Variants in ABI3BP observed in about 807,000 individuals in gnomAD.
ABI3BP encodes target of Nesh-SH3.
In ABI3BP, 216 loss-of-function variants were observed where a neutral mutation model predicts 268.6. The ratio of observed to expected loss-of-function variants is 0.80; its 90% CI spans 0.72 to 0.90. The LOEUF (loss-of-function observed/expected upper bound fraction) is 0.90, where lower values mean the gene tolerates loss of function less well. Among genes scored for constraint, ABI3BP ranks in the 40% least tolerant of loss-of-function variants. ABI3BP has a pLI of 0.00. For missense variants in ABI3BP, 2,090 were observed against 2,182.4 expected, an observed-to-expected ratio of 0.96 and a Z score of 0.84; for synonymous variants, 730 against 730.0, an observed-to-expected ratio of 1.00 and a Z score of 0.00.
At chr3:100,876,415 A>G (rs2099161410) in intron 7 of ABI3BP, 97 bp downstream of exon 7, 1 of 1,134,246 alleles carries the variant, frequency 8.8e-7, no homozygotes, top group African/African-American at 1.6e-5. Context: ...AAAAAAAATC[A>G]ATTAAAAAAT....
At chr3:100,808,128 C>G (rs750279800) in intron 50 of ABI3BP, 33 bp downstream of exon 50, 1 of 1,590,254 alleles carries the variant, frequency 6.3e-7, no homozygotes, top group East Asian at 2.3e-5. Context: ...TAACCTCAAA[C>G]TTTTCAAGCT....
At chr3:100,813,275 C>CT (rs1453540844) in intron 45 of ABI3BP, among the ~76,000 whole-genome samples, 1 of 152,034 alleles carries the variant, frequency 6.6e-6, no homozygotes, top group African/African-American at 2.4e-5. Context: ...TTTCTCCTTC[C>CT]TTGATGGTCA....
intron 64 of ABI3BP, among the ~76,000 whole-genome samples, chr3:100,754,072 T>C (rs2149297242): frequency 6.6e-6 from 1 of 152,372 alleles, no homozygotes; most frequent in Admixed American, 6.5e-5. Context: ...TTACATGTAA[T>C]TTGAGTACTT....
At chr3:100,795,707 G>C (rs2097325923) in intron 53 of ABI3BP, 97 bp downstream of exon 53, 1 of 920,132 alleles carries the variant, frequency 1.1e-6, no homozygotes, top group African/African-American at 1.8e-5. Flanking sequence ...TGAATGGATT[G>C]AGAAGAAATG....
intron 67 of ABI3BP, 82 bp from the exon 68 acceptor site, chr3:100,750,692 G>A: frequency 2.1e-6 from 2 of 942,260 alleles, no homozygotes; most frequent in Non-Finnish European, 3.2e-6. Flanking sequence ...GGATGTCGTT[G>A]ACTAGCTGAA....
At chr3:100,841,906 A>G in intron 21 of ABI3BP, 92 bp downstream of exon 21, 1 of 1,147,418 alleles carries the variant, frequency 8.7e-7, no homozygotes, top group Non-Finnish European at 1.2e-6. Context: ...GAGAAGAAAA[A>G]AAAAAAAAAA....
At chr3:100,864,422 CT>C (rs1408099162) in intron 11 of ABI3BP, 1 of 340,096 alleles carries the variant, frequency 2.9e-6, no homozygotes, top group African/African-American at 2.1e-5. Context: ...AAGCATGACA[CT>C]TTTGGGGATT....
intron 62 of ABI3BP, among the ~76,000 whole-genome samples, chr3:100,768,083 G>GTTTTTTTTTT (rs11371725): frequency 9.2e-6 from 1 of 108,720 alleles, no homozygotes; most frequent in Non-Finnish European, 1.8e-5. Context: ...TTTGGCTCAA[G>GTTTTTTTTTT]TTTTTTTTTT....
Position 100,976,797 on chromosome 3 carries a change from A to G in ABI3BP, c.79+16509T>C, listed in dbSNP as rs564227727. ...GGGATGTAGGTCAGCTACGGGGCAGATCTCAGATCTGGCTGTCTTTAAGCT... is the reference window on the plus strand; with the variant it reads ...GGGATGTAGGTCAGCTACGGGGCAGGTCTCAGATCTGGCTGTCTTTAAGCT... On this transcript the variant is annotated intron_variant, in intron 1 of 67. Transcript: ENST00000471714. 1.7e-3 allele frequency among the ~76,000 whole-genome samples: 266 copies of G among 152,258 alleles called. 1 individual carries two copies. The highest frequency in any genetic ancestry group is 6.0e-3 in the African/African-American group (250 of 41,558).
At chr3:100,866,775 A>C in intron 10 of ABI3BP, 104 bp downstream of exon 10, 1 of 949,970 alleles carries the variant, frequency 1.1e-6, no homozygotes, top group African/African-American at 1.7e-5. Flanking sequence ...TATGATCAAA[A>C]TGTATTTCCT....
chr3:100,782,793 T>G (rs1247000219), intron 57 of ABI3BP, among the ~76,000 whole-genome samples: 1 of 150,472 alleles, frequency 6.6e-6, no homozygotes, highest in Non-Finnish European at 1.5e-5. Context: ...AAGGAGAAAA[T>G]CAGTAAGAGA....
chr3:100,886,946 T>C (rs923594876), intron 4 of ABI3BP, among the ~76,000 whole-genome samples: 1 of 152,036 alleles, frequency 6.6e-6, no homozygotes, highest in Admixed American at 6.6e-5. Flanking sequence ...AATATTCATA[T>C]ATACATAAAT....
At chr3:100,864,598 C>A in intron 11 of ABI3BP, 1 of 494,202 alleles carries the variant, frequency 2.0e-6, no homozygotes, top group African/African-American at 2.0e-5. Flanking sequence ...ATTTAGTTAG[C>A]AATTAGCATC....
Position 100,780,196 on chromosome 3 carries a change from T to G in ABI3BP, c.4176A>C (p.Ala1392=). 1 of 1,612,790 alleles carries G rather than the reference T, an allele frequency of 6.2e-7. No homozygotes were observed. The highest frequency in any genetic ancestry group is 8.5e-7 in the Non-Finnish European group (1 of 1,179,120). The change falls in exon 58 of 68, where the codon GCA becomes GCC. Residue 1392 remains alanine (A), a synonymous_variant. Transcript: ENST00000471714. ...TTCTATCAGCACCTGATGGCCTGGG[T>G]GCTTGCTTGACCCCTATGAGCAGAG... ...GNGVGTGVKQ[A]PRPSGADRNV...
At position 100,825,784 on chromosome 3, in the gene ABI3BP, C is replaced by T. The variant is rs2098371048; in HGVS notation, c.2662+1G>A. ...CAGCCAGGTAATTGTAGGGTCGTTACCTAAGGTTGTTGCAGGGATCTCAGT... is the reference window on the plus strand; with the variant it reads ...CAGCCAGGTAATTGTAGGGTCGTTATCTAAGGTTGTTGCAGGGATCTCAGT... On this transcript the variant is annotated splice_donor_variant, in intron 35 of 67. Transcript: ENST00000471714. LOFTEE classifies it high-confidence loss of function. 6.5e-7 allele frequency: 1 copy of T among 1,534,790 alleles called. No homozygotes were observed. The highest frequency in any genetic ancestry group is 8.7e-7 in the Non-Finnish European group (1 of 1,145,894).
At chr3:100,768,296 G>T (rs2096395794) in intron 62 of ABI3BP, among the ~76,000 whole-genome samples, 1 of 152,032 alleles carries the variant, frequency 6.6e-6, no homozygotes, top group South Asian at 2.1e-4. Context: ...CACCGTGTTA[G>T]CCAGGATGAT....
intron 56 of ABI3BP, 113 bp downstream of exon 56, chr3:100,789,341 G>T: frequency 1.1e-6 from 1 of 945,364 alleles, no homozygotes; most frequent in Non-Finnish European, 1.6e-6. Context: ...CAGAGTCTCT[G>T]TACATCTCTT....
intron 51 of ABI3BP, among the ~76,000 whole-genome samples, chr3:100,799,259 G>A (rs905851010): frequency 2.0e-5 from 3 of 152,024 alleles, no homozygotes; most frequent in Admixed American, 2.0e-4. Context: ...CTGTGGTCCA[G>A]CCTCCACTCA....
At chr3:100,802,593 C>T (rs374873776) in intron 51 of ABI3BP, among the ~76,000 whole-genome samples, 16 of 152,114 alleles carry the variant, frequency 1.1e-4, no homozygotes, top group African/African-American at 3.6e-4. Context: ...CTAAAGGCCT[C>T]ACCGGATGAA....
Sources: gnomAD v4.1 joint callset for allele counts (sites outside exome capture counted in the v4.1 genomes callset) on GRCh38, gnomAD v4.1.1 for gene constraint, MANE v1.5 for transcripts, NCBI Gene and HGNC (gene_info 2026-07-23, HGNC 2026-07-21) for gene names.